Variants in NOL4 observed in about 807,000 individuals in gnomAD.
NOL4 encodes cancer/testis antigen 125.
In NOL4, 17 loss-of-function variants were observed where a neutral mutation model predicts 75.9. That is an observed-to-expected ratio of 0.22 (90% confidence interval 0.15 to 0.34). The LOEUF (loss-of-function observed/expected upper bound fraction) is 0.34. NOL4 is among the 10% of genes least tolerant of loss of function. The pLI, the probability that NOL4 is intolerant of heterozygous loss-of-function variation, is 1.00. For synonymous variants in NOL4, 292 were observed against 289.9 expected, an observed-to-expected ratio of 1.01 and a Z score of -0.07; for missense variants, 614 against 793.5, an observed-to-expected ratio of 0.77 and a Z score of 2.72.
chr18:33,979,247 C>T (rs2071749874), intron 6 of NOL4, among the ~76,000 whole-genome samples: 1 of 151,916 alleles, frequency 6.6e-6, no homozygotes, highest in African/African-American at 2.4e-5. Flanking sequence ...AGTCACCCCC[C>T]ATTCCCCTTT....
chr18:34,176,965 T>A (rs1305758924), intron 1 of NOL4, among the ~76,000 whole-genome samples: 3 of 152,018 alleles, frequency 2.0e-5, no homozygotes, highest in Non-Finnish European at 4.4e-5. Context: ...GGATCCTTTA[T>A]AAGATAGAGT....
chr18:34,112,705 G>A (rs902814743), intron 2 of NOL4, among the ~76,000 whole-genome samples: 3 of 152,118 alleles, frequency 2.0e-5, no homozygotes, highest in African/African-American at 7.2e-5. Context: ...TGGCTGGAGG[G>A]TGAGGAAAAT....
intron 1 of NOL4, among the ~76,000 whole-genome samples, chr18:34,173,894 T>C (rs146381736): frequency 1.1e-4 from 17 of 152,222 alleles, no homozygotes; most frequent in Non-Finnish European, 2.1e-4. Flanking sequence ...CCTTTTCTAA[T>C]GTGAATGATA....
intron 1 of NOL4, among the ~76,000 whole-genome samples, chr18:34,144,362 G>C (rs1202165631): frequency 6.6e-6 from 1 of 152,058 alleles, no homozygotes; most frequent in East Asian, 1.9e-4. Flanking sequence ...ACTGAATTCA[G>C]TGACGATTTT....
chr18:34,194,957 G>A (rs2035219481), intron 1 of NOL4, among the ~76,000 whole-genome samples: 1 of 151,668 alleles, frequency 6.6e-6, no homozygotes, highest in African/African-American at 2.4e-5. Context: ...CTGAGAGGCA[G>A]AGGTTGGGGT....
chr18:34,063,900 TAGG>T lies in NOL4; in HGVS notation c.772+29562_772+29564del, dbSNP rs371127183. Among the ~76,000 whole-genome samples, 320 of 152,150 alleles carry T rather than the reference TAGG, an allele frequency of 2.1e-3. 5 individuals carry two copies. Among genetic ancestry groups the T allele is most frequent in the African/African-American group, 7.2e-3 (299 of 41,552 alleles). ...TTATATTGCTTAAAAGAACACATCCTAGGAGTTCTACAAAAGTGCTTTTATTAT... is the reference window on the plus strand; with the variant it reads ...TTATATTGCTTAAAAGAACACATCCTAGTTCTACAAAAGTGCTTTTATTAT... On this transcript the variant is annotated intron_variant, in intron 5 of 10. Transcript: ENST00000261592.
At chr18:33,932,543 G>T (rs1186075740) in intron 9 of NOL4, among the ~76,000 whole-genome samples, 1 of 151,858 alleles carries the variant, frequency 6.6e-6, no homozygotes, top group Non-Finnish European at 1.5e-5. Context: ...AAATAGCAAG[G>T]CATCATTTTC....
chr18:34,192,777 A>G (rs780316745), intron 1 of NOL4, among the ~76,000 whole-genome samples: 2 of 152,196 alleles, frequency 1.3e-5, no homozygotes, highest in African/African-American at 2.4e-5. Flanking sequence ...GGGGCTTTTC[A>G]GAGGTAACCA....
At chr18:33,884,922 A>G (rs2064544640) in intron 9 of NOL4, among the ~76,000 whole-genome samples, 1 of 152,108 alleles carries the variant, frequency 6.6e-6, no homozygotes, top group Non-Finnish European at 1.5e-5. Context: ...TTGTTCATCA[A>G]ACTGAATCAA....
At chr18:34,174,851 A>G (rs1382585482) in intron 1 of NOL4, among the ~76,000 whole-genome samples, 1 of 152,186 alleles carries the variant, frequency 6.6e-6, no homozygotes, top group Non-Finnish European at 1.5e-5. Flanking sequence ...TGCAAAGGAC[A>G]TGAATTCATC....
intron 9 of NOL4, among the ~76,000 whole-genome samples, chr18:33,897,014 AAG>A (rs1316538964): frequency 6.6e-6 from 1 of 152,180 alleles, no homozygotes; most frequent in Non-Finnish European, 1.5e-5. Context: ...TACGAAAAAA[AAG>A]CTCAGTATCA....
At chr18:34,094,334 T>C (rs1396355908) in intron 4 of NOL4, among the ~76,000 whole-genome samples, 4 of 152,214 alleles carry the variant, frequency 2.6e-5, no homozygotes, top group Admixed American at 1.3e-4. Context: ...AAAGTCCACA[T>C]GTAATGGAGA....
intron 9 of NOL4, among the ~76,000 whole-genome samples, chr18:33,913,527 G>A (rs567632859): frequency 6.6e-6 from 1 of 152,176 alleles, no homozygotes; most frequent in South Asian, 2.1e-4. Context: ...CTTTTTAATA[G>A]TTCCATCACA....
intron 2 of NOL4, among the ~76,000 whole-genome samples, chr18:34,114,407 AT>A (rs1248522518): frequency 2.6e-5 from 4 of 152,214 alleles, no homozygotes; most frequent in Non-Finnish European, 5.9e-5. Flanking sequence ...CACTAAAAAA[AT>A]CACAACTTCC....
chr18:33,883,344 T>A lies in NOL4; in HGVS notation c.1623A>T (p.Ser541=), dbSNP rs1419219700. The A allele has an allele frequency of 6.2e-7, 1 of 1,613,432 alleles. No individual in the cohort carries two copies. The highest frequency in any genetic ancestry group is 1.7e-5 in the Admixed American group (1 of 59,904). ...TTCCATTGATGTACAGCACGTCCTG[T>A]GAGCCTGGAACAGCTGATGTTGAGT... is the stretch of plus-strand genomic sequence containing the variant. ...ATYSTSAVPG[S]QDVLYINGNG... is the part of the protein sequence containing the mutation. Residue 541 remains serine, a synonymous_variant, in exon 10 of 11, where the codon TCA becomes TCT. Transcript: ENST00000261592.
intron 5 of NOL4, among the ~76,000 whole-genome samples, chr18:34,048,843 G>C (rs2076501854): frequency 6.6e-6 from 1 of 152,004 alleles, no homozygotes; most frequent in Non-Finnish European, 1.5e-5. Context: ...GAAGATCACA[G>C]AGTTATTTAA....
At chr18:33,896,221 A>G (rs192317474) in intron 9 of NOL4, among the ~76,000 whole-genome samples, 8 of 152,272 alleles carry the variant, frequency 5.3e-5, no homozygotes, top group Admixed American at 5.2e-4. Context: ...AAATGGCTCT[A>G]CTGCCCAAAG....
At chr18:34,121,151 T>C (rs773628465) in intron 2 of NOL4, 15 of 152,228 alleles carry the variant, frequency 9.9e-5, no homozygotes, top group Non-Finnish European at 2.1e-4. Context: ...AAATATTGCA[T>C]TAAATAAGAT....
At chr18:33,875,050 G>C (rs1407511894) in intron 10 of NOL4, among the ~76,000 whole-genome samples, 1 of 151,976 alleles carries the variant, frequency 6.6e-6, no homozygotes, top group Non-Finnish European at 1.5e-5. Context: ...CTGTATATCA[G>C]CCCAGTTTAT....
Sources: allele counts gnomAD v4.1 joint callset (sites outside exome capture counted in the v4.1 genomes callset), GRCh38; gene constraint gnomAD v4.1.1; transcripts MANE v1.5; gene names NCBI Gene and HGNC (gene_info 2026-07-23, HGNC 2026-07-21).